The following CAMK1G variants were observed in gnomAD, a reference collection of about 807,000 sequenced individuals.
The protein encoded by CAMK1G is calcium/calmodulin dependent protein kinase IG.
Under a neutral mutation model 54.8 loss-of-function variants are expected in CAMK1G, and 27 were observed. The observed-to-expected ratio is 0.49, with a 90% CI of 0.36 to 0.68. CAMK1G has a LOEUF of 0.68. Among genes scored for constraint, CAMK1G ranks in the 30% least tolerant of loss-of-function variants. The pLI is 0.00. For missense variants in CAMK1G, 512 were observed against 591.0 expected, an observed-to-expected ratio of 0.87 and a Z score of 1.39; for synonymous variants, 238 against 224.9, an observed-to-expected ratio of 1.06 and a Z score of -0.52.
chr1:209,606,200 T>C, intron 5 of CAMK1G, 120 bp from the exon 6 acceptor site: 1 of 1,282,792 alleles, frequency 7.8e-7, no homozygotes, highest in Non-Finnish European at 1.1e-6. Context: ...TGGGGGAGGA[T>C]GAGCTGGCCT....
chr1:209,599,851 T>C (rs1665483426), intron 2 of CAMK1G, 132 bp from the exon 3 acceptor site: 3 of 1,066,844 alleles, frequency 2.8e-6, no homozygotes, highest in Non-Finnish European at 3.9e-6. Flanking sequence ...TTCTTCCAGA[T>C]TTAAATTCAG....
chr1:209,601,613 G>T (rs576625898), intron 3 of CAMK1G, among the ~76,000 whole-genome samples: 2 of 152,272 alleles, frequency 1.3e-5, no homozygotes, highest in Non-Finnish European at 2.9e-5. Flanking sequence ...TTATTGCCTT[G>T]TATCAACAGT....
intron 1 of CAMK1G, among the ~76,000 whole-genome samples, chr1:209,589,705 C>T (rs1665197383): frequency 6.6e-6 from 1 of 152,180 alleles, no homozygotes. Flanking sequence ...TTTAAGCAGA[C>T]TGGCCTGCAT....
chr1:209,609,530 C>T (rs184104878), intron 8 of CAMK1G, among the ~76,000 whole-genome samples: 121 of 152,324 alleles, frequency 7.9e-4, no homozygotes, highest in South Asian at 2.7e-3. Context: ...CACTCACATG[C>T]GTGCCCATGT....
rs759054187 is a variant in CAMK1G, at chr1:209,600,072, G to A, written c.182G>A (p.Arg61Gln). Residue 61 changes from arginine (R) to glutamine (Q), a missense_variant, in exon 3 of 13, where the codon CGG (arginine) becomes CAG (glutamine). Transcript: ENST00000361322. ...TGCATCAAGAAGTCACCTGCCTTCCGGGACAGCAGCCTGGAGAATGAGATT... is the reference window on the plus strand; with the variant it reads ...TGCATCAAGAAGTCACCTGCCTTCCAGGACAGCAGCCTGGAGAATGAGATT... ...LKCIKKSPAF[R>Q]DSSLENEIAV... 6.7e-5 allele frequency: 108 copies of A among 1,613,818 alleles called. No individual in the cohort carries two copies. Among genetic ancestry groups the A allele is most frequent in the Non-Finnish European group, 7.9e-5 (93 of 1,179,878 alleles).
At chr1:209,609,375 T>C (rs542407244) in intron 8 of CAMK1G, among the ~76,000 whole-genome samples, 1 of 152,084 alleles carries the variant, frequency 6.6e-6, no homozygotes, top group Admixed American at 6.5e-5. Context: ...CAGAGCCAGG[T>C]GGTGAGGGGA....
intron 5 of CAMK1G, 114 bp from the exon 6 acceptor site, chr1:209,606,206 G>A: frequency 7.4e-7 from 1 of 1,342,396 alleles, no homozygotes; most frequent in Non-Finnish European, 1.0e-6. Flanking sequence ...AGGATGAGCT[G>A]GCCTTGAAGT....
chr1:209,603,638 C>T (rs2072908), intron 4 of CAMK1G, among the ~76,000 whole-genome samples: 3,837 of 152,210 alleles, frequency 0.025, 162 homozygotes, highest in East Asian at 0.23. Context: ...ACCAAACGAC[C>T]GAAGGGGTAA....
chr1:209,603,131 C>T (rs952190377), intron 3 of CAMK1G, 83 bp from the exon 4 acceptor site: 1 of 1,351,558 alleles, frequency 7.4e-7, no homozygotes, highest in Non-Finnish European at 1.0e-6. Context: ...AAGCCTCCAA[C>T]AGAAACTTTT....
intron 9 of CAMK1G, among the ~76,000 whole-genome samples, chr1:209,610,200 G>T (rs1268820688): frequency 2.6e-5 from 4 of 152,164 alleles, no homozygotes; most frequent in Non-Finnish European, 5.9e-5. Flanking sequence ...CTGGGATAGG[G>T]TGCAATGTTC....
At chr1:209,595,384 T>A (rs779230956) in intron 2 of CAMK1G, among the ~76,000 whole-genome samples, 1 of 152,126 alleles carries the variant, frequency 6.6e-6, no homozygotes, top group African/African-American at 2.4e-5. Flanking sequence ...ATTGCGCTAC[T>A]GTATTCCAGC....
In CAMK1G at chr1:209,608,843, C is replaced by A. The variant is rs920825214; in HGVS notation, c.636-137C>A. ...TACCATTCTGGAATTTGAGGCAGATCTGCGTCCTGGTCACACCACTGTTCT... is the reference window on the plus strand; with the variant it reads ...TACCATTCTGGAATTTGAGGCAGATATGCGTCCTGGTCACACCACTGTTCT... On this transcript the variant is annotated intron_variant, in intron 7 of 12. Transcript: ENST00000361322. The A allele has an allele frequency of 1.5e-5, 18 of 1,236,530 alleles. No homozygotes were observed. The African/African-American group carries it at 2.3e-4, about 16-fold the overall frequency. 76.6% of individuals were successfully genotyped at this position (1,236,530 alleles called of 1,614,324 possible).
In CAMK1G at chr1:209,606,209, C is replaced by T. The variant is rs1003823684; in HGVS notation, c.436-111C>T. 47 of 1,409,612 alleles carry T rather than the reference C, an allele frequency of 3.3e-5. No homozygotes were observed. The Admixed American group carries it at 9.1e-4, about 27-fold the overall frequency. 87.3% of individuals were successfully genotyped at this position (1,409,612 alleles called of 1,614,324 possible). ...GAAGAATGGGGGAGGATGAGCTGGC[C>T]TTGAAGTCAGGAGCCCAGGGCTCAT... On this transcript the variant is annotated intron_variant, in intron 5 of 12. Transcript: ENST00000361322.
chr1:209,587,692 C>G (rs934560561), intron 1 of CAMK1G, among the ~76,000 whole-genome samples: 1 of 152,084 alleles, frequency 6.6e-6, no homozygotes, highest in African/African-American at 2.4e-5. Flanking sequence ...TGGGGCTGCA[C>G]AGCTACGGGA....
intron 2 of CAMK1G, among the ~76,000 whole-genome samples, chr1:209,595,820 C>T (rs1286849037): frequency 1.3e-5 from 2 of 152,204 alleles, no homozygotes; most frequent in African/African-American, 4.8e-5. Context: ...GGTGTCTGAA[C>T]CTGCACCTTG....
chr1:209,596,745 T>C (rs1310834205), intron 2 of CAMK1G, among the ~76,000 whole-genome samples: 7 of 151,752 alleles, frequency 4.6e-5, no homozygotes, highest in Non-Finnish European at 4.4e-5. Context: ...GCAAACATGA[T>C]GACATGTCAC....
chr1:209,593,059 T>A (rs1665297006), intron 1 of CAMK1G, among the ~76,000 whole-genome samples: 1 of 152,272 alleles, frequency 6.6e-6, no homozygotes, highest in Non-Finnish European at 1.5e-5. Flanking sequence ...GTGCACCATT[T>A]CATTTAACCT....
Position 209,613,363 on chromosome 1 carries a change from A to G in CAMK1G, c.*361A>G. 1 of 157,510 alleles carries G rather than the reference A, an allele frequency of 6.3e-6. No homozygotes were observed. Among genetic ancestry groups the G allele is most frequent in the Non-Finnish European group, 1.4e-5 (1 of 70,860 alleles). 9.8% of individuals were successfully genotyped at this position (157,510 alleles called of 1,614,324 possible). A position where few individuals can be genotyped will look rare whatever the true frequency, so the allele number is the denominator to read the frequency against. On this transcript the variant is annotated 3_prime_UTR_variant, in exon 13 of 13. Transcript: ENST00000361322. ...CCTGGGTCTGTGCTGTTTGTCGTGA[A>G]AAGCTTAATGGGCTGGCCAGGCTGT...
At chr1:209,588,349 GCGGAATGGATTGGAT>G (rs1441946905) in intron 1 of CAMK1G, among the ~76,000 whole-genome samples, 4 of 149,430 alleles carry the variant, frequency 2.7e-5, no homozygotes, top group African/African-American at 9.9e-5. Flanking sequence ...TTAGAGTGGA[GCGGAATGGATTGGAT>G]TGGATTGGAT....
Sources: gnomAD v4.1 joint callset for allele counts (sites outside exome capture counted in the v4.1 genomes callset) on GRCh38, gnomAD v4.1.1 for gene constraint, MANE v1.5 for transcripts, NCBI Gene and HGNC (gene_info 2026-07-23, HGNC 2026-07-21) for gene names.